LGR5: variants seen among roughly 807,000 people sequenced by gnomAD.
LGR5 encodes leucine rich repeat containing G protein-coupled receptor 5.
LGR5 carries 54 observed loss-of-function variants against 76.7 expected under a neutral mutation model. The observed-to-expected ratio is 0.70, with a 90% CI of 0.57 to 0.88. The LOEUF (loss-of-function observed/expected upper bound fraction) is 0.88, where lower values mean the gene tolerates loss of function less well. Among genes scored for constraint, LGR5 ranks in the 40% least tolerant of loss-of-function variants. LGR5 has a pLI of 0.00. For missense variants in LGR5, 1,078 were observed against 1,073.3 expected (o/e 1.00, Z -0.06); for synonymous variants, 406 against 421.9 (o/e 0.96, Z 0.46).
intron 1 of LGR5, among the ~76,000 whole-genome samples, chr12:71,492,425 C>G (rs1193983794): frequency 6.6e-6 from 1 of 152,114 alleles, no homozygotes; most frequent in Non-Finnish European, 1.5e-5. Flanking sequence ...TGATTTGAAA[C>G]CCCCACCACA....
intron 1 of LGR5, among the ~76,000 whole-genome samples, chr12:71,478,952 T>C (rs1346702926): frequency 2.6e-5 from 4 of 152,200 alleles, no homozygotes; most frequent in Non-Finnish European, 5.9e-5. Flanking sequence ...AAAGTGAAGA[T>C]TGTTCTATTT....
rs1033079666 is a variant in LGR5 at position 71,453,259 on chromosome 12, A to C, written c.212+12967A>C. ...GGTATCAAATAGACAAAAGATTATGAGTTTTAAATGAGGTTTCATATTTGC... is the reference window on the plus strand; with the variant it reads ...GGTATCAAATAGACAAAAGATTATGCGTTTTAAATGAGGTTTCATATTTGC... On this transcript the variant is annotated intron_variant, in intron 1 of 17. Coordinates refer to ENST00000266674, the MANE Select transcript of LGR5 (RefSeq NM_003667.4). Among the ~76,000 whole-genome samples, 8 of 152,308 alleles carry C rather than the reference A, an allele frequency of 5.3e-5. No homozygotes were observed. In the East Asian group the frequency reaches 1.5e-3, roughly 29 times the overall value.
chr12:71,460,444 G>A (rs768639469), intron 1 of LGR5, among the ~76,000 whole-genome samples: 4 of 152,040 alleles, frequency 2.6e-5, no homozygotes, highest in Non-Finnish European at 4.4e-5. Flanking sequence ...CTGAGTCTCA[G>A]GGTTTTCATC....
intron 1 of LGR5, among the ~76,000 whole-genome samples, chr12:71,484,641 A>G (rs1354734285): frequency 6.6e-6 from 1 of 151,914 alleles, no homozygotes; most frequent in Non-Finnish European, 1.5e-5. Flanking sequence ...TGCTGTCATT[A>G]TTGTTTTCTG....
chr12:71,439,227 A>G (rs1856486892), upstream of LGR5, among the ~76,000 whole-genome samples: 1 of 152,210 alleles, frequency 6.6e-6, no homozygotes. Context: ...CTTTGATTTT[A>G]GGGCAAAAGC....
At chr12:71,496,370 C>CAAAAAAAAAA (rs67593850) in intron 1 of LGR5, among the ~76,000 whole-genome samples, 3 of 99,546 alleles carry the variant, frequency 3.0e-5, no homozygotes, top group African/African-American at 4.3e-5. Context: ...TCCATCTCAA[C>CAAAAAAAAAA]AAAAAAAAAA....
At chr12:71,501,682 T>C (rs1874612157) in intron 1 of LGR5, among the ~76,000 whole-genome samples, 1 of 152,256 alleles carries the variant, frequency 6.6e-6, no homozygotes, top group South Asian at 2.1e-4. Context: ...ATTTAACTAT[T>C]TCTGTTAAAT....
chr12:71,488,519 A>G (rs748606041), intron 1 of LGR5, among the ~76,000 whole-genome samples: 11 of 152,172 alleles, frequency 7.2e-5, no homozygotes, highest in African/African-American at 1.2e-4. Flanking sequence ...GTTCTAGGCC[A>G]TGGAAGGTTT....
chr12:71,535,223 CA>C, intron 4 of LGR5, 37 bp downstream of exon 4: 2 of 1,349,074 alleles, frequency 1.5e-6, no homozygotes, highest in Non-Finnish European at 2.1e-6. Context: ...TATTTAAGAT[CA>C]ATTTGGGAAG....
chr12:71,578,388 C>T (rs1190340154), intron 14 of LGR5, among the ~76,000 whole-genome samples: 1 of 152,156 alleles, frequency 6.6e-6, no homozygotes, highest in East Asian at 1.9e-4. Flanking sequence ...CTTCCTCTCC[C>T]CATCTCTTAT....
chr12:71,460,713 C>T (rs1416024758), intron 1 of LGR5, among the ~76,000 whole-genome samples: 4 of 152,112 alleles, frequency 2.6e-5, no homozygotes, highest in Non-Finnish European at 5.9e-5. Context: ...TGGGATTCCT[C>T]TATAACTTGT....
chr12:71,515,084 A>ATGG (rs1173394595), intron 2 of LGR5, among the ~76,000 whole-genome samples: 1 of 152,220 alleles, frequency 6.6e-6, no homozygotes, highest in Non-Finnish European at 1.5e-5. Flanking sequence ...AAAACCTACC[A>ATGG]TGGTGGGCTC....
At chr12:71,532,785 T>A (rs142972475) in intron 3 of LGR5, among the ~76,000 whole-genome samples, 1 of 151,464 alleles carries the variant, frequency 6.6e-6, no homozygotes, top group African/African-American at 2.4e-5. Context: ...CTTCCTCAAG[T>A]TCAAATGAAG....
intron 1 of LGR5, among the ~76,000 whole-genome samples, chr12:71,450,893 A>G (rs1277834070): frequency 6.6e-6 from 1 of 152,082 alleles, no homozygotes; most frequent in Non-Finnish European, 1.5e-5. Flanking sequence ...TCAATCCTTC[A>G]ATGGTGTCCT....
rs762791621 is a variant in LGR5, at chr12:71,556,605, A to G, written c.645-14A>G. On this transcript the variant is annotated splice_polypyrimidine_tract_variant and intron_variant, in intron 5 of 17. Coordinates refer to ENST00000266674, the MANE Select transcript of LGR5 (RefSeq NM_003667.4). The stretch of plus-strand genomic sequence containing the variant: ...CAGTGTGCCTTCCTAACTATCTGTA[A>G]TGTTCTACTGCAGACATCTCCATAA... 6.4e-7 allele frequency: 1 copy of G among 1,573,196 alleles called. No homozygotes were observed.
rs1292453188 is a variant in LGR5, at chr12:71,584,724, C to T, written c.2714C>T (p.Pro905Leu). ...CATCTTTCCTCTGTGGCATTTGTCC[C>T]ATGTCTCTAATTAATATGTGAAGGA... Reference protein sequence around the residue: ...SCHLSSVAFVPCL With the variant: ...SCHLSSVAFVLCL The change falls in exon 18 of 18, where the codon CCA becomes CTA. Residue 905 changes from proline (P) to leucine (L), a missense_variant. Physicochemically the swap from Pro to Leu is moderately conservative, Grantham distance 98 (BLOSUM62 -3). Transcript: ENST00000266674. 6.2e-7 allele frequency: 1 copy of T among 1,609,756 alleles called. No homozygotes were observed.
chr12:71,583,918 T>C lies in LGR5; in HGVS notation c.1908T>C (p.Gly636=), dbSNP rs144445455. ...GTGCCTGGTGGGAGAATGGGGTTGG[T>C]TGCCATGTCATTGGTTTTTTGTCCA... ...RHGAWWENGV[G]CHVIGFLSIF... is the part of the protein sequence containing the mutation. The change falls in exon 18 of 18, where the codon GGT becomes GGC. Residue 636 remains glycine, a synonymous_variant. Transcript: ENST00000266674. 6.2e-6 allele frequency: 10 copies of C among 1,614,198 alleles called. No individual in the cohort carries two copies. In the African/African-American group the frequency reaches 1.2e-4, roughly 19 times the overall value.
intron 4 of LGR5, among the ~76,000 whole-genome samples, chr12:71,547,933 T>C (rs1479080463): frequency 6.6e-6 from 1 of 152,146 alleles, no homozygotes; most frequent in Non-Finnish European, 1.5e-5. Context: ...ATTTTTGTTT[T>C]ACCTATAAAT....
chr12:71,561,861 C>CCATAA lies in LGR5; in HGVS notation c.857+10_857+14dup, dbSNP rs1325638597. On this transcript the variant is annotated intron_variant, in intron 8 of 17. Transcript: ENST00000266674. ...CCTTCTCTTATTACAATGTAAGTGA[C>CCATAA]CATAATGCTTTTCGGTTTCTCCATC... The CCATAA allele has an allele frequency of 6.5e-7, 1 of 1,537,168 alleles. No individual in the cohort carries two copies. The highest frequency in any genetic ancestry group is 9.0e-7 in the Non-Finnish European group (1 of 1,116,292).
Sources: allele counts gnomAD v4.1 joint callset (sites outside exome capture counted in the v4.1 genomes callset), GRCh38; gene constraint gnomAD v4.1.1; transcripts MANE v1.5; gene names NCBI Gene and HGNC (gene_info 2026-07-23, HGNC 2026-07-21).